DENND2D: variants seen among roughly 807,000 people sequenced by gnomAD.
DENND2D encodes DENN domain-containing protein 2D.
Under a neutral mutation model 59.8 loss-of-function variants are expected in DENND2D, and 37 were observed. The ratio of observed to expected loss-of-function variants is 0.62; its 90% CI spans 0.48 to 0.81. The LOEUF (loss-of-function observed/expected upper bound fraction) is 0.81. Among genes scored for constraint, DENND2D ranks in the 40% least tolerant of loss-of-function variants. The pLI is 0.00. For missense variants in DENND2D, 525 were observed against 579.7 expected (o/e 0.91, Z 0.97); for synonymous variants, 219 against 211.3 (o/e 1.04, Z -0.31).
intron 7 of DENND2D, among the ~76,000 whole-genome samples, chr1:111,194,189 T>C (rs1427080137): frequency 1.3e-5 from 2 of 152,242 alleles, no homozygotes; most frequent in African/African-American, 4.8e-5. Context: ...GCTTGGCATC[T>C]GGCAACCAGT....
In DENND2D at chr1:111,188,278, C is replaced by T. The variant is rs145438684; in HGVS notation, c.1192G>A (p.Ala398Thr). ...TCTTGGAAGTGGCCTTGCCCATTTGCCTCCCGCTTGATATAGGAAGCATAA... is the reference window on the plus strand; with the variant it reads ...TCTTGGAAGTGGCCTTGCCCATTTGTCTCCCGCTTGATATAGGAAGCATAA... Reference protein sequence around the residue: ...GHYASYIKREANGQGHFQERS... With the variant: ...GHYASYIKRETNGQGHFQERS... Residue 398 changes from alanine (A) to threonine (T), a missense_variant, in exon 11 of 12, where the codon GCA becomes ACA. Around this residue, in one of 3 missense-constraint regions of DENND2D, gnomAD observed 225 missense variants for 252.4 expected, o/e 0.89. Transcript: ENST00000357640. 2.5e-6 allele frequency: 4 copies of T among 1,614,160 alleles called. No individual in the cohort carries two copies. The highest frequency in any genetic ancestry group is 1.3e-5 in the African/African-American group (1 of 75,026).
chr1:111,188,322 A>G lies in DENND2D; in HGVS notation c.1148T>C (p.Phe383Ser), dbSNP rs879848940. ...AGCATAATGGCCCACAATCTTGACA[A>G]AGAACTGCACAAAGGGGCCTGAAAC... ...EHVSGPFVQF[F>S]VKIVGHYASY... is the part of the protein sequence containing the mutation. The change falls in exon 11 of 12, where the codon TTT (phenylalanine) becomes TCT (serine). Residue 383 changes from phenylalanine to serine, a missense_variant. Phe to Ser is a radical substitution (Grantham distance 155, BLOSUM62 -2). Coordinates refer to ENST00000357640, the MANE Select transcript of DENND2D (RefSeq NM_024901.5). The G allele has an allele frequency of 1.9e-6, 3 of 1,614,138 alleles. No homozygotes were observed. The highest frequency in any genetic ancestry group is 2.2e-5 in the East Asian group (1 of 44,880).
chr1:111,190,906 T>C (rs530016254), intron 8 of DENND2D, among the ~76,000 whole-genome samples: 36 of 152,196 alleles, frequency 2.4e-4, no homozygotes, highest in East Asian at 1.9e-3. Context: ...CTTTGAGGGA[T>C]TGGGGGGAGA....
intron 4 of DENND2D, 103 bp downstream of exon 4, chr1:111,197,817 T>C: frequency 6.4e-7 from 1 of 1,565,122 alleles, no homozygotes; most frequent in Non-Finnish European, 8.7e-7. Flanking sequence ...CTACAACCAG[T>C]GCTGCCAATA....
chr1:111,204,412 T>C, upstream of DENND2D: 2 of 1,334,020 alleles, frequency 1.5e-6, no homozygotes, highest in Non-Finnish European at 1.9e-6. Context: ...CCCCCTATCC[T>C]TGACCTCCGC....
At position 111,194,663 on chromosome 1, in the gene DENND2D, G is replaced by A. The variant is rs1557957606; in HGVS notation, c.709C>T (p.His237Tyr). 7 of 1,614,078 alleles carry A rather than the reference G, an allele frequency of 4.3e-6. No homozygotes were observed. The highest frequency in any genetic ancestry group is 4.2e-6 in the Non-Finnish European group (5 of 1,180,000). ...AGTATCTGTTCAAAACTGAGACAGTGCAATAGAGAACTAAAATCCACATGT... is the reference window on the plus strand; with the variant it reads ...AGTATCTGTTCAAAACTGAGACAGTACAATAGAGAACTAAAATCCACATGT... ...LEHVDFSSLL[H>Y]CLSFEQILQI... is the part of the protein sequence containing the mutation. The change falls in exon 7 of 12, where the codon CAC (histidine) becomes TAC (tyrosine). Residue 237 changes from histidine to tyrosine, a missense_variant. This residue lies in a region of DENND2D where 47 missense variants were observed against 80.9 expected (regional missense o/e 0.58). Transcript: ENST00000357640.
Position 111,192,023 on chromosome 1 carries a change from CAGGCTT to C in DENND2D, c.972+111_972+116del. On this transcript the variant is annotated intron_variant, in intron 8 of 11. Coordinates refer to ENST00000357640, the MANE Select transcript of DENND2D (RefSeq NM_024901.5). Reference sequence around the variant, plus strand: ...TCCCCATTTTAGAGATGAGAAAGCTCAGGCTTAAAGAGGTAAGGTAACTTGCCCCTA... The same window carrying C: ...TCCCCATTTTAGAGATGAGAAAGCTCAAAGAGGTAAGGTAACTTGCCCCTA... 3.1e-6 allele frequency: 3 copies of C among 978,968 alleles called. No homozygotes were observed. In the South Asian group the frequency reaches 7.7e-5, roughly 25 times the overall value. 60.6% of individuals were successfully genotyped at this position (978,968 alleles called of 1,614,324 possible).
upstream of DENND2D, chr1:111,200,852 T>C: frequency 2.2e-6 from 1 of 450,234 alleles, no homozygotes. Flanking sequence ...GTGCAGAGAG[T>C]TAATTTACAA....
rs146677943 is a variant in DENND2D, at chr1:111,198,986, G to A, written c.244-244C>T. Among the ~76,000 whole-genome samples, 222 of 149,808 alleles carry A rather than the reference G, an allele frequency of 1.5e-3. 1 individual carries two copies. The highest frequency in any genetic ancestry group is 2.9e-3 in the Admixed American group (44 of 15,128). On this transcript the variant is annotated intron_variant, in intron 2 of 11. Transcript: ENST00000357640. Reference sequence around the variant, plus strand: ...GTCAACTCTACATAAGCTTGAGTTCGACCTCAGTATCGAGATCTACATAGA... The same window carrying A: ...GTCAACTCTACATAAGCTTGAGTTCAACCTCAGTATCGAGATCTACATAGA...
chr1:111,197,561 A>G, intron 4 of DENND2D: 1 of 1,363,746 alleles, frequency 7.3e-7, no homozygotes, highest in Non-Finnish European at 9.5e-7. Flanking sequence ...TGACTTGGGG[A>G]ATCCTCCTGA....
At chr1:111,195,273 C>G (rs930846543) in intron 6 of DENND2D, 2 of 155,088 alleles carry the variant, frequency 1.3e-5, no homozygotes, top group Non-Finnish European at 1.4e-5. Context: ...TTGGTCACCA[C>G]TGTATTCCCA....
rs776370134 is a variant in DENND2D, at chr1:111,188,155, C to T, written c.1315G>A (p.Glu439Lys). 20 of 1,614,164 alleles carry T rather than the reference C, an allele frequency of 1.2e-5. No individual in the cohort carries two copies. Among genetic ancestry groups the T allele is most frequent in the South Asian group, 4.4e-5 (4 of 91,078 alleles). ...CCTGCAGGAGGATTCTTGCTCTTCT[C>T]GGCTTCCTGGATGAAAAGTGAGAAG... ...QLFSLFIQEA[E>K]KSKNPPAGYF... The change falls in exon 11 of 12, where the codon GAG becomes AAG. Residue 439 changes from glutamate (E) to lysine (K), a missense_variant. Glu to Lys is a moderately conservative substitution (Grantham distance 56). Around this residue, in one of 3 missense-constraint regions of DENND2D, gnomAD observed 225 missense variants for 252.4 expected, o/e 0.89. Coordinates refer to ENST00000357640, the MANE Select transcript of DENND2D (RefSeq NM_024901.5).
chr1:111,203,892 G>A (rs1002164439), upstream of DENND2D, among the ~76,000 whole-genome samples: 1 of 152,180 alleles, frequency 6.6e-6, no homozygotes, highest in Non-Finnish European at 1.5e-5. Context: ...GGACTCCCAG[G>A]GCGGCGAGGT....
At position 111,194,697 on chromosome 1, in the gene DENND2D, G is replaced by A. The variant is rs771647869; in HGVS notation, c.675C>T (p.Ser225=). The A allele has an allele frequency of 6.2e-7, 1 of 1,614,064 alleles. No individual in the cohort carries two copies. Among genetic ancestry groups the A allele is most frequent in the Non-Finnish European group, 8.5e-7 (1 of 1,180,016 alleles). The change falls in exon 7 of 12, where the codon TCC becomes TCT. Residue 225 remains serine, a synonymous_variant. Transcript: ENST00000357640. ...EFISLTRPLD[S]HLEHVDFSSL... ...AACTAAAATCCACATGTTCTAGGTG[G>A]GAGTCCAGGGGCCGTGTCAGTGAAA...
chr1:111,188,078 T>C, intron 11 of DENND2D, 53 bp downstream of exon 11: 3 of 1,586,986 alleles, frequency 1.9e-6, no homozygotes, highest in Non-Finnish European at 2.6e-6. Context: ...CCCTCCTCTT[T>C]ATTCTAGAGG....
chr1:111,192,003 A>G (rs1657820024), intron 8 of DENND2D, 137 bp downstream of exon 8: 1 of 855,626 alleles, frequency 1.2e-6, no homozygotes, highest in Non-Finnish European at 1.7e-6. Flanking sequence ...TGTTATCCCC[A>G]TTTTAGAGAT....
upstream of DENND2D, among the ~76,000 whole-genome samples, chr1:111,203,697 C>T (rs1659022533): frequency 6.6e-6 from 1 of 152,232 alleles, no homozygotes; most frequent in African/African-American, 2.4e-5. Context: ...CTGGGCGACA[C>T]GCTGGAAAGC....
chr1:111,189,835 T>G (rs1300719465), intron 8 of DENND2D, among the ~76,000 whole-genome samples: 1 of 152,218 alleles, frequency 6.6e-6, no homozygotes, highest in Non-Finnish European at 1.5e-5. Flanking sequence ...TTTTTATTTT[T>G]TTCATGCTTG....
Position 111,200,395 on chromosome 1 carries a change from G to C in DENND2D, c.65C>G (p.Ala22Gly). 1 of 1,611,822 alleles carries C rather than the reference G, an allele frequency of 6.2e-7. No individual in the cohort carries two copies. The highest frequency in any genetic ancestry group is 8.5e-7 in the Non-Finnish European group (1 of 1,178,864). ...GAAGTAGGCAGTCCAGTCCTGACCT[G>C]CTCGGAGTTGAAGCAGTCGGCGTTG... is the stretch of plus-strand genomic sequence containing the variant. ...LFQRRLLQLR[A>G]GPPQDNSGEA... is the part of the protein sequence containing the mutation. The change falls in exon 1 of 12, where the codon GCA becomes GGA. Residue 22 changes from alanine to glycine, a missense_variant and splice_region_variant. Around this residue, in one of 3 missense-constraint regions of DENND2D, gnomAD observed 253 missense variants for 246.4 expected, o/e 1.03. Coordinates refer to ENST00000357640, the MANE Select transcript of DENND2D (RefSeq NM_024901.5).
Sources: gnomAD v4.1 joint callset for allele counts (sites outside exome capture counted in the v4.1 genomes callset) on GRCh38, gnomAD v4.1.1 for gene constraint, gnomAD v4.1.1 regional missense constraint, MANE v1.5 for transcripts, NCBI Gene and HGNC (gene_info 2026-07-23, HGNC 2026-07-21) for gene names.